The following RBFOX1 variants were observed in gnomAD, a reference collection of about 807,000 sequenced individuals.
RBFOX1 encodes the protein RNA binding protein fox-1 homolog 1.
RBFOX1 carries 8 observed loss-of-function variants against 57.7 expected under a neutral mutation model. The observed-to-expected ratio is 0.14, with a 90% CI of 0.08 to 0.25. The LOEUF is 0.25. Ranked by LOEUF, RBFOX1 falls within the 10% of genes least tolerant of loss-of-function variation. RBFOX1 has a pLI of 1.00. For missense variants in RBFOX1, 611 were observed against 548.5 expected (o/e 1.11, Z -1.14); for synonymous variants, 326 against 222.4 (o/e 1.47, Z -4.15).
intron 4 of RBFOX1, among the ~76,000 whole-genome samples, chr16:7,336,342 C>A (rs1484099563): frequency 6.6e-6 from 1 of 152,232 alleles, no homozygotes; most frequent in Non-Finnish European, 1.5e-5. Context: ...GTATCTACCT[C>A]ATAGATATGC....
intron 1 of RBFOX1, among the ~76,000 whole-genome samples, chr16:6,047,399 A>C (rs2152428036): frequency 6.6e-6 from 1 of 152,312 alleles, no homozygotes; most frequent in Middle Eastern, 3.4e-3. Context: ...TTGGTAGAGG[A>C]TGAAAGATGA....
intron 3 of RBFOX1, among the ~76,000 whole-genome samples, chr16:6,867,311 A>G (rs2060114228): frequency 6.6e-6 from 1 of 151,954 alleles, no homozygotes; most frequent in African/African-American, 2.4e-5. Context: ...CTGGATCATT[A>G]TTGGCTCTGA....
At chr16:7,631,741 C>G (rs1008775666) in intron 11 of RBFOX1, among the ~76,000 whole-genome samples, 2 of 152,094 alleles carry the variant, frequency 1.3e-5, no homozygotes, top group African/African-American at 4.8e-5. Context: ...TCCTCACCAT[C>G]GTGCCAAAAC....
At chr16:7,282,270 G>A (rs1603483491) in intron 4 of RBFOX1, among the ~76,000 whole-genome samples, 1 of 152,254 alleles carries the variant, frequency 6.6e-6, no homozygotes, top group East Asian at 1.9e-4. Context: ...ACAAGTAAAT[G>A]GCATTTGCAA....
At chr16:5,786,613 G>T (rs1410045166) in intron 3 of RBFOX1, among the ~76,000 whole-genome samples, 2 of 152,100 alleles carry the variant, frequency 1.3e-5, no homozygotes, top group African/African-American at 4.8e-5. Context: ...CACCTGTCTT[G>T]GTCCTACAGT....
At chr16:6,347,565 A>T (rs2085586282) in intron 2 of RBFOX1, among the ~76,000 whole-genome samples, 1 of 152,202 alleles carries the variant, frequency 6.6e-6, no homozygotes, top group Non-Finnish European at 1.5e-5. Context: ...GAGGCTTTGC[A>T]TCTTGCATAT....
intron 1 of RBFOX1, among the ~76,000 whole-genome samples, chr16:6,299,159 A>G (rs2152739136): frequency 6.6e-6 from 1 of 152,340 alleles, no homozygotes. Context: ...GGCAGGCTGA[A>G]TACTAGCACC....
intron 4 of RBFOX1, among the ~76,000 whole-genome samples, chr16:7,487,651 A>C (rs1442331329): frequency 6.6e-6 from 1 of 152,098 alleles, no homozygotes; most frequent in Non-Finnish European, 1.5e-5. Context: ...AGAAACACGC[A>C]CTGAGACCGA....
intron 3 of RBFOX1, among the ~76,000 whole-genome samples, chr16:6,725,403 T>C (rs1268893570): frequency 6.6e-6 from 1 of 152,128 alleles, no homozygotes; most frequent in Non-Finnish European, 1.5e-5. Context: ...CTTTGTGACC[T>C]GTACCTGGTG....
At position 6,392,392 on chromosome 16, in the gene RBFOX1, T is replaced by C. The variant is rs534309939; in HGVS notation, c.-64+75335T>C. On this transcript the variant is annotated intron_variant, in intron 2 of 15. Transcript: ENST00000550418. ...CCTTAAATACGTTACATTATATAAT[T>C]TACTAATAGTAATACAATTTTATGA... Among the ~76,000 whole-genome samples the C allele has an allele frequency of 8.4e-4, 128 of 152,308 alleles. 1 individual carries two copies. The highest frequency in any genetic ancestry group is 2.9e-3 in the African/African-American group (119 of 41,566).
In RBFOX1 at chr16:7,167,762, C is replaced by T. The variant is rs28576192; in HGVS notation, c.27+115664C>T. ...ACAGAAACACAGCCTTATTCATTTA[C>T]GTATTGTCTATGGCTGCTTTCACTC... On this transcript the variant is annotated intron_variant, in intron 4 of 15. Transcript: ENST00000550418. 1.0e-2 allele frequency among the ~76,000 whole-genome samples: 1,519 copies of T among 152,324 alleles called. 21 individuals are homozygous for T. The highest frequency in any genetic ancestry group is 0.035 in the African/African-American group (1,450 of 41,570).
chr16:6,958,627 G>C (rs2082335349), intron 3 of RBFOX1, among the ~76,000 whole-genome samples: 1 of 152,162 alleles, frequency 6.6e-6, no homozygotes, highest in Non-Finnish European at 1.5e-5. Context: ...GTAGGGATGT[G>C]ATGCTATTGG....
At chr16:5,333,730 C>T (rs2064822551) in intron 1 of RBFOX1, among the ~76,000 whole-genome samples, 1 of 152,218 alleles carries the variant, frequency 6.6e-6, no homozygotes, top group Admixed American at 6.5e-5. Flanking sequence ...GTCTGCTACA[C>T]ACCTAGGCTA....
At chr16:5,712,025 A>G (rs2051505431) in intron 3 of RBFOX1, among the ~76,000 whole-genome samples, 1 of 152,236 alleles carries the variant, frequency 6.6e-6, no homozygotes, top group Admixed American at 6.5e-5. Flanking sequence ...CAGGAAACTT[A>G]CAATTATGAT....
intron 3 of RBFOX1, among the ~76,000 whole-genome samples, chr16:5,832,960 T>G (rs530572754): frequency 1.3e-5 from 2 of 152,346 alleles, no homozygotes; most frequent in East Asian, 3.9e-4. Flanking sequence ...AATGGTGATT[T>G]CATCCCTTTT....
At chr16:5,585,613 T>G (rs2029177) in intron 2 of RBFOX1, among the ~76,000 whole-genome samples, 75,323 of 152,118 alleles carry the variant, frequency 0.5, 20,453 homozygotes, top group African/African-American at 0.73. Context: ...CTATGGGATA[T>G]CCCGATGAAA....
chr16:5,639,782 G>A (rs149254698), intron 3 of RBFOX1, among the ~76,000 whole-genome samples: 8 of 152,304 alleles, frequency 5.3e-5, no homozygotes, highest in African/African-American at 1.7e-4. Context: ...AAGAGTGGGT[G>A]TGGTTTCCAG....
intron 3 of RBFOX1, among the ~76,000 whole-genome samples, chr16:6,902,948 A>C (rs1430011726): frequency 1.3e-5 from 2 of 152,192 alleles, no homozygotes; most frequent in Non-Finnish European, 2.9e-5. Flanking sequence ...CGGGGCTTAC[A>C]AGGGAGCAGA....
intron 3 of RBFOX1, among the ~76,000 whole-genome samples, chr16:6,951,573 C>G (rs1356616975): frequency 6.6e-6 from 1 of 152,084 alleles, no homozygotes. Context: ...ATCTCTCTTT[C>G]TCTCCTTGTA....
Sources: allele counts gnomAD v4.1 joint callset (sites outside exome capture counted in the v4.1 genomes callset), GRCh38; gene constraint gnomAD v4.1.1; transcripts MANE v1.5; gene names NCBI Gene and HGNC (gene_info 2026-07-23, HGNC 2026-07-21).